Variants in MEGF11 observed in about 807,000 individuals in gnomAD.
The protein encoded by MEGF11 is multiple EGF like domains 11.
In MEGF11, 126 loss-of-function variants were observed where a neutral mutation model predicts 146.6. That is an observed-to-expected ratio of 0.86 (90% CI 0.74 to 1.00). MEGF11 has a LOEUF of 1.00. Among genes scored for constraint, MEGF11 ranks in the 50% least tolerant of loss-of-function variants. The pLI is 0.00. For synonymous variants in MEGF11, 532 were observed against 583.4 expected, an observed-to-expected ratio of 0.91 and a Z score of 1.27; for missense variants, 1,509 against 1,521.2, an observed-to-expected ratio of 0.99 and a Z score of 0.13.
chr15:66,184,868 G>C (rs1276771778), intron 1 of MEGF11, among the ~76,000 whole-genome samples: 1 of 150,316 alleles, frequency 6.7e-6, no homozygotes, highest in Non-Finnish European at 1.5e-5. Context: ...GACTCTCCCC[G>C]CCTGCTTCCC....
rs187900438 is a variant in MEGF11 at position 66,000,763 on chromosome 15, C to T, written c.395-18275G>A. ...GTCTTCACAACCTAGAGTGGAGAGA[C>T]GGAGACACTATTCCACAAGAAAAAA... On this transcript the variant is annotated intron_variant, in intron 5 of 25. Coordinates refer to ENST00000395614, the MANE Select transcript of MEGF11 (RefSeq NM_001385028.1). 1.8e-4 allele frequency among the ~76,000 whole-genome samples: 27 copies of T among 152,234 alleles called. No homozygotes were observed. In the East Asian group the frequency reaches 3.9e-3, roughly 22 times the overall value.
intron 1 of MEGF11, among the ~76,000 whole-genome samples, chr15:66,137,950 T>A (rs1875037639): frequency 6.6e-6 from 1 of 152,182 alleles, no homozygotes; most frequent in Non-Finnish European, 1.5e-5. Flanking sequence ...TCCCAGCTAC[T>A]CAAGAGGCTG....
intron 1 of MEGF11, among the ~76,000 whole-genome samples, chr15:66,247,904 C>T (rs891103274): frequency 5.3e-5 from 8 of 151,342 alleles, no homozygotes; most frequent in East Asian, 1.9e-4. Flanking sequence ...GGCATGGTGG[C>T]GCGTGCCTGT....
chr15:66,093,470 G>A (rs755030320), intron 5 of MEGF11, among the ~76,000 whole-genome samples: 11 of 152,250 alleles, frequency 7.2e-5, no homozygotes, highest in Middle Eastern at 3.4e-3. Flanking sequence ...GCGAATAATC[G>A]GGCTTAGATC....
At chr15:66,135,076 G>T (rs2088829712) in intron 1 of MEGF11, among the ~76,000 whole-genome samples, 1 of 152,204 alleles carries the variant, frequency 6.6e-6, no homozygotes, top group Non-Finnish European at 1.5e-5. Context: ...CATTAAGGAA[G>T]ACCAACTTCA....
At chr15:66,149,069 C>T (rs942927596) in intron 1 of MEGF11, among the ~76,000 whole-genome samples, 1 of 152,232 alleles carries the variant, frequency 6.6e-6, no homozygotes, top group African/African-American at 2.4e-5. Flanking sequence ...CCGGCAGGAG[C>T]ACCTCCAGCC....
intron 1 of MEGF11, among the ~76,000 whole-genome samples, chr15:66,178,546 T>G (rs1264549219): frequency 1.3e-5 from 2 of 152,244 alleles, no homozygotes; most frequent in Admixed American, 1.3e-4. Flanking sequence ...TTCCCCTGAA[T>G]GTGGCATGCA....
chr15:66,212,534 G>C (rs1449939366), intron 1 of MEGF11, among the ~76,000 whole-genome samples: 1 of 152,216 alleles, frequency 6.6e-6, no homozygotes, highest in African/African-American at 2.4e-5. Context: ...GAGCCCTAGA[G>C]CCAGGCTGGG....
intron 5 of MEGF11, among the ~76,000 whole-genome samples, chr15:65,998,599 C>T (rs970674703): frequency 1.3e-5 from 2 of 152,110 alleles, no homozygotes; most frequent in African/African-American, 4.8e-5. Context: ...TCTTACCCGT[C>T]ACTAAAAGCG....
At chr15:66,004,057 G>C (rs2082447519) in intron 5 of MEGF11, among the ~76,000 whole-genome samples, 1 of 152,174 alleles carries the variant, frequency 6.6e-6, no homozygotes, top group Non-Finnish European at 1.5e-5. Context: ...ACTTGCAAAA[G>C]GGTGACTCAA....
In MEGF11 at chr15:66,242,064, A is replaced by T. The variant is rs117895432; in HGVS notation, c.-9+11541T>A. Among the ~76,000 whole-genome samples, 3 of 152,338 alleles carry T rather than the reference A, an allele frequency of 2.0e-5. No individual in the cohort carries two copies. In the East Asian group the frequency reaches 5.8e-4, roughly 29 times the overall value. On this transcript the variant is annotated intron_variant, in intron 1 of 25. Transcript: ENST00000395614. ...TGTCCTGAATGCCTTTGTGTGAGGC[A>T]TGGTGCAGAACATTAAATCTTCATT...
chr15:66,051,668 A>G (rs1338548255), intron 5 of MEGF11, among the ~76,000 whole-genome samples: 1 of 152,104 alleles, frequency 6.6e-6, no homozygotes, highest in Non-Finnish European at 1.5e-5. Flanking sequence ...CAGGGGCTGG[A>G]GCCTTGGGGC....
intron 10 of MEGF11, among the ~76,000 whole-genome samples, chr15:65,951,279 A>C (rs2080391173): frequency 6.6e-6 from 1 of 152,236 alleles, no homozygotes; most frequent in African/African-American, 2.4e-5. Context: ...CATTCTAGGA[A>C]GAAAGAGAGG....
chr15:66,089,164 G>C (rs571549910), intron 5 of MEGF11, among the ~76,000 whole-genome samples: 1 of 152,262 alleles, frequency 6.6e-6, no homozygotes, highest in East Asian at 1.9e-4. Flanking sequence ...GTCGGCCTGG[G>C]GTCCCACACA....
chr15:65,978,109 T>C (rs1249856686), intron 7 of MEGF11, among the ~76,000 whole-genome samples: 1 of 152,244 alleles, frequency 6.6e-6, no homozygotes, highest in Non-Finnish European at 1.5e-5. Context: ...TCTCTCCAGT[T>C]CCACACAATG....
At chr15:66,204,228 C>A (rs997825132) in intron 1 of MEGF11, among the ~76,000 whole-genome samples, 4 of 152,002 alleles carry the variant, frequency 2.6e-5, no homozygotes, top group Non-Finnish European at 5.9e-5. Context: ...ATGGTGAAAC[C>A]CCGTCTCTAC....
intron 1 of MEGF11, among the ~76,000 whole-genome samples, chr15:66,208,456 A>T (rs1231600673): frequency 6.6e-6 from 1 of 152,248 alleles, no homozygotes; most frequent in African/African-American, 2.4e-5. Context: ...AAACAAAAAT[A>T]AAATGATAAA....
intron 13 of MEGF11, among the ~76,000 whole-genome samples, chr15:65,928,136 C>G (rs2079438754): frequency 6.6e-6 from 1 of 152,208 alleles, no homozygotes. Flanking sequence ...CCCTTGTCCC[C>G]TTCTCCATCA....
chr15:66,166,048 A>G (rs1244403303), intron 1 of MEGF11, among the ~76,000 whole-genome samples: 1 of 152,110 alleles, frequency 6.6e-6, no homozygotes, highest in Non-Finnish European at 1.5e-5. Flanking sequence ...TGGGCTTTAA[A>G]TGTCATCAGA....
Sources: allele counts gnomAD v4.1 joint callset (sites outside exome capture counted in the v4.1 genomes callset), GRCh38; gene constraint gnomAD v4.1.1; transcripts MANE v1.5; gene names NCBI Gene and HGNC (gene_info 2026-07-23, HGNC 2026-07-21).